GPM6A: variants seen among roughly 807,000 people sequenced by gnomAD.
The protein encoded by GPM6A is glycoprotein M6A, also known as neuronal membrane glycoprotein M6-a.
GPM6A carries 7 observed loss-of-function variants against 32.1 expected under a neutral mutation model. The observed-to-expected ratio is 0.22, with a 90% CI of 0.12 to 0.41. GPM6A has a LOEUF of 0.41. Among genes scored for constraint, GPM6A ranks in the 10% least tolerant of loss-of-function variants. GPM6A has a pLI of 1.00. For missense variants in GPM6A, 235 were observed against 347.2 expected, an observed-to-expected ratio of 0.68 and a Z score of 2.57; for synonymous variants, 130 against 123.4, an observed-to-expected ratio of 1.05 and a Z score of -0.35.
chr4:175,688,770 G>A (rs1020686179), intron 2 of GPM6A, among the ~76,000 whole-genome samples: 6 of 152,108 alleles, frequency 3.9e-5, no homozygotes, highest in Admixed American at 1.3e-4. Context: ...CCACAAATAC[G>A]TGTAATTATG....
chr4:175,791,520 C>T (rs1734012770), intron 1 of GPM6A, among the ~76,000 whole-genome samples: 1 of 152,062 alleles, frequency 6.6e-6, no homozygotes, highest in Admixed American at 6.6e-5. Flanking sequence ...TTATAAATGT[C>T]CCTATATGTA....
chr4:175,993,227 C>A (rs1038197089), intron 1 of GPM6A, among the ~76,000 whole-genome samples: 2 of 150,408 alleles, frequency 1.3e-5, no homozygotes, highest in Non-Finnish European at 3.0e-5. Flanking sequence ...TCTATGAGAG[C>A]AGACTTGTAT....
intron 1 of GPM6A, among the ~76,000 whole-genome samples, chr4:175,941,970 G>A (rs1227640021): frequency 6.6e-6 from 1 of 152,150 alleles, no homozygotes; most frequent in African/African-American, 2.4e-5. Flanking sequence ...CTTCCACAAC[G>A]GTTGAACTAA....
chr4:175,855,856 T>C (rs1045034373), intron 1 of GPM6A, among the ~76,000 whole-genome samples: 2 of 152,210 alleles, frequency 1.3e-5, no homozygotes, highest in Non-Finnish European at 2.9e-5. Context: ...CATATATATT[T>C]CTTTTCTCTC....
chr4:175,679,308 C>G (rs1743552698), intron 2 of GPM6A, among the ~76,000 whole-genome samples: 1 of 152,060 alleles, frequency 6.6e-6, no homozygotes, highest in Non-Finnish European at 1.5e-5. Context: ...GTTACTCATT[C>G]TTGGCTAGAA....
At chr4:175,758,036 C>T (rs1169767289) in intron 1 of GPM6A, among the ~76,000 whole-genome samples, 1 of 152,138 alleles carries the variant, frequency 6.6e-6, no homozygotes, top group Non-Finnish European at 1.5e-5. Flanking sequence ...TGCCATCACA[C>T]AATGGAAGAA....
At chr4:175,955,860 C>T (rs534514021) in intron 1 of GPM6A, among the ~76,000 whole-genome samples, 1 of 152,250 alleles carries the variant, frequency 6.6e-6, no homozygotes, top group African/African-American at 2.4e-5. Flanking sequence ...TGGTAGTATG[C>T]TGGAGCTGGC....
chr4:175,692,794 T>A (rs1038729432), intron 2 of GPM6A, among the ~76,000 whole-genome samples: 1 of 152,166 alleles, frequency 6.6e-6, no homozygotes, highest in Non-Finnish European at 1.5e-5. Context: ...CAAATTAGCT[T>A]ACCTTTAAAT....
chr4:175,955,981 T>A (rs1175817086), intron 1 of GPM6A, among the ~76,000 whole-genome samples: 2 of 152,088 alleles, frequency 1.3e-5, no homozygotes, highest in Admixed American at 6.6e-5. Context: ...AGACAAATAC[T>A]CGGGTAAGGG....
intron 1 of GPM6A, among the ~76,000 whole-genome samples, chr4:175,749,077 G>GA (rs1362834911): frequency 6.6e-6 from 1 of 152,120 alleles, no homozygotes; most frequent in South Asian, 2.1e-4. Flanking sequence ...AGTTGGATAG[G>GA]AAAATGGCTG....
At chr4:175,940,486 CTA>C (rs571111235) in intron 1 of GPM6A, among the ~76,000 whole-genome samples, 238 of 152,190 alleles carry the variant, frequency 1.6e-3, no homozygotes, top group Non-Finnish European at 3.0e-3. Context: ...TTCTAATACT[CTA>C]AAAGTTCTAT....
At chr4:175,957,483 T>A (rs1159096940) in intron 1 of GPM6A, among the ~76,000 whole-genome samples, 1 of 151,868 alleles carries the variant, frequency 6.6e-6, no homozygotes, top group Non-Finnish European at 1.5e-5. Context: ...AAATGCCACA[T>A]GTTCTCACTC....
chr4:175,844,497 C>T (rs1736031085), intron 1 of GPM6A, among the ~76,000 whole-genome samples: 1 of 152,136 alleles, frequency 6.6e-6, no homozygotes, highest in African/African-American at 2.4e-5. Flanking sequence ...TTTTGGTCTT[C>T]TGTTGATTTG....
intron 1 of GPM6A, among the ~76,000 whole-genome samples, chr4:175,858,054 A>G (rs1736467119): frequency 6.6e-6 from 1 of 152,210 alleles, no homozygotes. Context: ...TTGCCAAGAG[A>G]AATTAAAGAC....
upstream of GPM6A, chr4:176,002,370 G>T: frequency 1.3e-6 from 2 of 1,564,400 alleles, no homozygotes; most frequent in South Asian, 1.2e-5. Context: ...CAGACGCTGC[G>T]CGGGGCCAAG....
At chr4:175,922,756 A>C (rs532220239) in intron 1 of GPM6A, among the ~76,000 whole-genome samples, 1 of 152,334 alleles carries the variant, frequency 6.6e-6, no homozygotes, top group South Asian at 2.1e-4. Context: ...TAACACTTAC[A>C]TTATAAAACT....
At chr4:175,756,396 C>T (rs533957432) in intron 1 of GPM6A, among the ~76,000 whole-genome samples, 10 of 152,052 alleles carry the variant, frequency 6.6e-5, no homozygotes, top group South Asian at 2.1e-4. Flanking sequence ...GTAGCAATGG[C>T]GAGGCAGAAT....
chr4:175,670,004 G>GA (rs533205454), intron 3 of GPM6A, among the ~76,000 whole-genome samples: 1,817 of 143,516 alleles, frequency 0.013, 12 homozygotes, highest in African/African-American at 0.015. Context: ...CAGCCCTCAG[G>GA]AAAAAAAAAA....
At chr4:175,838,874 C>T (rs939703413) in intron 1 of GPM6A, among the ~76,000 whole-genome samples, 4 of 151,828 alleles carry the variant, frequency 2.6e-5, no homozygotes, top group Admixed American at 6.6e-5. Flanking sequence ...AGGCTGGTTT[C>T]GAATTCCTGA....
Sources: gnomAD v4.1 joint callset for allele counts (sites outside exome capture counted in the v4.1 genomes callset) on GRCh38, gnomAD v4.1.1 for gene constraint, MANE v1.5 for transcripts, NCBI Gene and HGNC (gene_info 2026-07-23, HGNC 2026-07-21) for gene names.